SYT12: variants seen among roughly 807,000 people sequenced by gnomAD.
SYT12 encodes the protein synaptotagmin-12.
A neutral mutation model predicts 39.5 loss-of-function variants in SYT12; 27 were observed. The observed-to-expected ratio is 0.68, with a 90% CI of 0.50 to 0.94. The LOEUF is 0.94. Among genes scored for constraint, SYT12 ranks in the 40% least tolerant of loss-of-function variants. The pLI, the probability that SYT12 is intolerant of heterozygous loss-of-function variation, is 0.00. For missense variants in SYT12, 536 were observed against 572.6 expected (o/e 0.94, Z 0.65); for synonymous variants, 233 against 239.7 (o/e 0.97, Z 0.26).
Position 67,048,927 on chromosome 11 carries a change from CGTGGCTCT to C in SYT12, c.*174_*181del, listed in dbSNP as rs1056028668. 11 of 767,410 alleles carry C rather than the reference CGTGGCTCT, an allele frequency of 1.4e-5. No individual in the cohort carries two copies. In the African/African-American group the frequency reaches 1.9e-4, roughly 13 times the overall value. 47.5% of individuals were successfully genotyped at this position (767,410 alleles called of 1,614,324 possible). ...GTCCAGATTGCAGCAGAGGAGTGGG[CGTGGCTCT>C]GTGTCCAGGGCCCCAGGGTCTGCTC... On this transcript the variant is annotated 3_prime_UTR_variant, in exon 8 of 8. Coordinates refer to ENST00000527043, the MANE Select transcript of SYT12 (RefSeq NM_177963.4).
At chr11:67,048,384 G>A (rs1854634871) in intron 7 of SYT12, among the ~76,000 whole-genome samples, 200 bp from the exon 8 acceptor site, 1 of 152,070 alleles carries the variant, frequency 6.6e-6, no homozygotes, top group South Asian at 2.1e-4. Context: ...GCCTAGGCAG[G>A]CCTAGTTCAA....
chr11:67,015,783 G>A (rs970524064), intron 3 of SYT12, among the ~76,000 whole-genome samples: 2 of 152,138 alleles, frequency 1.3e-5, no homozygotes, highest in African/African-American at 2.4e-5. Flanking sequence ...TGGGATCTTC[G>A]TAAAGCTCCT....
At chr11:67,028,549 T>G (rs1289318661) in intron 1 of SYT12, 2 of 152,210 alleles carry the variant, frequency 1.3e-5, no homozygotes, top group African/African-American at 4.8e-5. Context: ...GCACCGAAGC[T>G]TCTTGACTCC....
chr11:67,008,353 C>T (rs1949987492), intron 1 of SYT12, among the ~76,000 whole-genome samples: 2 of 152,106 alleles, frequency 1.3e-5, no homozygotes. Flanking sequence ...GGTTTGAATC[C>T]CACCTCTGTC....
In SYT12 at chr11:67,048,679, G is replaced by A. The variant is rs563777709; in HGVS notation, c.1188G>A (p.Met396Ile). 2.0e-5 allele frequency: 33 copies of A among 1,613,020 alleles called. No individual in the cohort carries two copies. The highest frequency in any genetic ancestry group is 8.3e-5 in the Admixed American group (5 of 60,010). ...TCATTGGGCCGTCAGCCAGTGGCAT[G>A]GGAACCACACATTGGAACCAGATGT... is the stretch of plus-strand genomic sequence containing the variant. ...HVIIGPSASG[M>I]GTTHWNQMLA... Residue 396 changes from methionine to isoleucine, a missense_variant, in exon 8 of 8, where the codon ATG becomes ATA. Physicochemically the swap from Met to Ile is conservative, Grantham distance 10. Coordinates refer to ENST00000527043, the MANE Select transcript of SYT12 (RefSeq NM_177963.4).
In SYT12 at chr11:67,013,693, G is replaced by A. The variant is rs571687037; in HGVS notation, c.-69+2699G>A. ...CAGGCCCCTGTCAAGTGTGGCCCCC[G>A]GCGCAGGGCCTCCCTGCCCTCCACT... On this transcript the variant is annotated intron_variant, in intron 3 of 10. Transcript: ENST00000393946. 5.2e-4 allele frequency among the ~76,000 whole-genome samples: 79 copies of A among 152,262 alleles called. 4 individuals carry two copies. Among genetic ancestry groups the A allele is most frequent in the East Asian group, 3.9e-4 (2 of 5,180 alleles).
rs748623519 is a variant in SYT12 at position 67,043,679 on chromosome 11, C to T, written c.663C>T (p.Phe221=). Residue 221 remains phenylalanine, a synonymous_variant, in exon 5 of 8, where the codon TTC becomes TTT. Transcript: ENST00000527043. Reference sequence around the variant, plus strand: ...ACTCCATCTTCTTTGATGAGAAGTTCTCCATCCCCCTGGATCCCACAGCCC... The same window carrying T: ...ACTCCATCTTCTTTGATGAGAAGTTTTCCATCCCCCTGGATCCCACAGCCC... ...NAYSIFFDEK[F]SIPLDPTALE... 28 of 1,614,016 alleles carry T rather than the reference C, an allele frequency of 1.7e-5. No homozygotes were observed. Among genetic ancestry groups the T allele is most frequent in the Non-Finnish European group, 2.3e-5 (27 of 1,180,048 alleles).
exon 1 of SYT12, chr11:67,007,177 C>G (rs1051682923): frequency 6.6e-6 from 1 of 152,388 alleles, no homozygotes; most frequent in Non-Finnish European, 1.5e-5. Context: ...GGTAGGCTAC[C>G]CAGTGAGTAG....
chr11:67,048,182 A>T (rs2136236905), intron 7 of SYT12, among the ~76,000 whole-genome samples: 1 of 150,622 alleles, frequency 6.6e-6, no homozygotes, highest in Non-Finnish European at 1.5e-5. Flanking sequence ...GAAGCAGGAG[A>T]ATTGCTTGAA....
intron 2 of SYT12, chr11:67,030,969 C>T (rs1950255034): frequency 6.6e-6 from 1 of 152,242 alleles, no homozygotes; most frequent in Non-Finnish European, 1.5e-5. Flanking sequence ...CTCCCCATCA[C>T]TCTAGCCCCT....
intron 5 of SYT12, among the ~76,000 whole-genome samples, 161 bp downstream of exon 5, chr11:67,044,014 G>A (rs1448560915): frequency 6.6e-6 from 1 of 152,178 alleles, no homozygotes; most frequent in Non-Finnish European, 1.5e-5. Context: ...GAAACTGCTT[G>A]CTGCAGGCAA....
At chr11:67,035,716 C>G (rs1441497092) in intron 3 of SYT12, among the ~76,000 whole-genome samples, 1 of 151,870 alleles carries the variant, frequency 6.6e-6, no homozygotes, top group Non-Finnish European at 1.5e-5. Flanking sequence ...CTTGGCCTCC[C>G]AAAGTACTGG....
chr11:67,010,280 C>T (rs1311325861), intron 2 of SYT12, among the ~76,000 whole-genome samples: 2 of 152,240 alleles, frequency 1.3e-5, no homozygotes, highest in African/African-American at 4.8e-5. Context: ...CCCACAGCAA[C>T]ATCTGTGCCA....
chr11:67,015,473 G>C (rs1019139746), intron 3 of SYT12, among the ~76,000 whole-genome samples: 3 of 151,890 alleles, frequency 2.0e-5, no homozygotes, highest in African/African-American at 7.3e-5. Flanking sequence ...GGCGGTGGTG[G>C]GGGGTTGTGG....
At position 67,049,238 on chromosome 11, in the gene SYT12, T is replaced by G. The variant is rs1384325533; in HGVS notation, c.*481T>G. The G allele has an allele frequency of 6.4e-6, 1 of 155,114 alleles. No individual in the cohort carries two copies. Among genetic ancestry groups the G allele is most frequent in the Non-Finnish European group, 1.4e-5 (1 of 69,836 alleles). The allele number at this position is 155,114 out of a possible 1,614,324, so 9.6% of individuals were successfully genotyped here. ...GCTAGGGAAACAGGAAGGGCCTCTT[T>G]GACAAGGTAGGAGCTGTGCTTGGAG... On this transcript the variant is annotated 3_prime_UTR_variant, in exon 8 of 8. Transcript: ENST00000527043.
intron 2 of SYT12, chr11:67,032,619 C>T (rs1184227759): frequency 6.6e-6 from 1 of 152,316 alleles, no homozygotes; most frequent in African/African-American, 2.4e-5. Context: ...AAAGTAGGGC[C>T]TTGGCCAGGG....
chr11:67,019,344 T>C (rs987293684), upstream of SYT12, among the ~76,000 whole-genome samples: 1 of 151,966 alleles, frequency 6.6e-6, no homozygotes, highest in African/African-American at 2.4e-5. Context: ...TGTTGGCGCA[T>C]GCCTGTAATC....
At position 67,034,523 on chromosome 11, in the gene SYT12, A is replaced by G. The variant is rs184847568; in HGVS notation, c.35-122A>G. 1,696 of 808,390 alleles carry G rather than the reference A, an allele frequency of 2.1e-3. 3 individuals carry two copies. The highest frequency in any genetic ancestry group is 2.7e-3 in the Non-Finnish European group (1,450 of 544,626). The allele number at this position is 808,390 out of a possible 1,614,324, so 50.1% of individuals were successfully genotyped here. A position where few individuals can be genotyped will look rare whatever the true frequency, so the allele number is the denominator to read the frequency against. On this transcript the variant is annotated intron_variant, in intron 2 of 7. Coordinates refer to ENST00000527043, the MANE Select transcript of SYT12 (RefSeq NM_177963.4). The stretch of plus-strand genomic sequence containing the variant: ...ATGTCTTGTTCGACATGGGATCTCC[A>G]GCACCTAGCACATAGTAGGCATTCA...
chr11:67,035,794 C>T (rs12284470), intron 3 of SYT12, among the ~76,000 whole-genome samples: 13 of 41,284 alleles, frequency 3.1e-4, no homozygotes, highest in African/African-American at 9.5e-4. Context: ...CTTTTCTTTC[C>T]TTCCTTCCTT....
Sources: gnomAD v4.1 joint callset for allele counts (sites outside exome capture counted in the v4.1 genomes callset) on GRCh38, gnomAD v4.1.1 for gene constraint, MANE v1.5 for transcripts, NCBI Gene and HGNC (gene_info 2026-07-23, HGNC 2026-07-21) for gene names.